Variants in ZNF652 observed in about 807,000 individuals in gnomAD.
ZNF652 encodes the protein zinc finger protein 652.
In ZNF652, 16 loss-of-function variants were observed where a neutral mutation model predicts 45.2. That is an observed-to-expected ratio of 0.35 (90% confidence interval 0.24 to 0.54). The LOEUF (loss-of-function observed/expected upper bound fraction) is 0.54, where lower values mean the gene tolerates loss of function less well. Ranked by LOEUF, ZNF652 falls within the 20% of genes least tolerant of loss-of-function variation. The pLI, the probability that ZNF652 is intolerant of heterozygous loss-of-function variation, is 0.91. For synonymous variants in ZNF652, 250 were observed against 260.6 expected, an observed-to-expected ratio of 0.96 and a Z score of 0.39; for missense variants, 614 against 765.6, an observed-to-expected ratio of 0.80 and a Z score of 2.34.
intron 1 of ZNF652, among the ~76,000 whole-genome samples, chr17:49,349,883 C>T (rs1448382935): frequency 6.6e-6 from 1 of 152,074 alleles, no homozygotes; most frequent in African/African-American, 2.4e-5. Context: ...ATACTAATGT[C>T]AAAGATAACT....
intron 1 of ZNF652, among the ~76,000 whole-genome samples, chr17:49,326,431 T>C (rs773418857): frequency 6.6e-6 from 1 of 152,118 alleles, no homozygotes; most frequent in African/African-American, 2.4e-5. Flanking sequence ...GGTTCTCAAG[T>C]GTCAATGACA....
chr17:49,308,420 A>G (rs915349671), intron 5 of ZNF652, among the ~76,000 whole-genome samples: 9 of 152,122 alleles, frequency 5.9e-5, no homozygotes, highest in African/African-American at 2.2e-4. Context: ...CAAGATATCC[A>G]CCTGCCTTGG....
chr17:49,316,880 G>C lies in ZNF652; in HGVS notation c.846C>G (p.Val282=), dbSNP rs139664132. The C allele has an allele frequency of 4.3e-6, 7 of 1,613,924 alleles. No individual in the cohort carries two copies. In the African/African-American group the frequency reaches 9.3e-5, roughly 22 times the overall value. The change falls in exon 2 of 6, where the codon GTC becomes GTG. Residue 282 remains valine, a synonymous_variant. Coordinates refer to ENST00000430262, the MANE Select transcript of ZNF652 (RefSeq NM_001145365.3). ...GGTGAAGGGACAGCTCACTTTCCAG[G>C]ACAAACTTCTTGCCACATTTATCAC... The part of the protein sequence containing the change: ...QICDKCGKKF[V]LESELSLHQQ...
In ZNF652 at chr17:49,312,702, C is replaced by G; in HGVS notation, c.1044G>C (p.Met348Ile). ...FYTMAHVRKH[M>I]VAHTKDMPFT... is the part of the protein sequence containing the mutation. The stretch of plus-strand genomic sequence containing the variant: ...GAGAAAAGCAGAAAAACTTACCAAC[C>G]ATGTGTTTCCGCACATGAGCCATGG... The change falls in exon 3 of 6, where the codon ATG (methionine) becomes ATC (isoleucine). Residue 348 changes from methionine to isoleucine, a missense_variant. Met to Ile is a conservative substitution (Grantham distance 10). Transcript: ENST00000430262. 6.2e-7 allele frequency: 1 copy of G among 1,612,566 alleles called. No individual in the cohort carries two copies. Among genetic ancestry groups the G allele is most frequent in the East Asian group, 2.2e-5 (1 of 44,866 alleles).
chr17:49,317,832 A>G lies in ZNF652; in HGVS notation c.-107T>C. 8.4e-7 allele frequency: 1 copy of G among 1,194,488 alleles called. No homozygotes were observed. The highest frequency in any genetic ancestry group is 1.1e-6 in the Non-Finnish European group (1 of 886,738). 74.0% of individuals were successfully genotyped at this position (1,194,488 alleles called of 1,614,324 possible). A position where few individuals can be genotyped will look rare whatever the true frequency, so the allele number is the denominator to read the frequency against. ...TTTCTCATCCACAAAGAATCACTCA[A>G]ATGAAAAAAAGATATTCCTGGAAAC... On this transcript the variant is annotated 5_prime_UTR_variant, in exon 2 of 6. Coordinates refer to ENST00000430262, the MANE Select transcript of ZNF652 (RefSeq NM_001145365.3).
downstream of ZNF652, chr17:49,289,126 A>C (rs2069370129): frequency 2.6e-5 from 4 of 152,162 alleles, no homozygotes. Context: ...TTTCTCAAAA[A>C]GGGCAATTTG....
At chr17:49,342,554 AGGGGGGG>A (rs57671663) in intron 1 of ZNF652, among the ~76,000 whole-genome samples, 2 of 102,700 alleles carry the variant, frequency 1.9e-5, no homozygotes, top group African/African-American at 7.0e-5. Flanking sequence ...TAACAGATAA[AGGGGGGG>A]GGGGGGGGGG....
Position 49,317,923 on chromosome 17 carries a change from G to C in ZNF652, c.-198C>G, listed in dbSNP as rs1341660325. Reference sequence around the variant, plus strand: ...TCAAAAAGGTTTGGTATTATGGCAAGAGCAGAGCACTAGTGATTTTTCTTC... The same window carrying C: ...TCAAAAAGGTTTGGTATTATGGCAACAGCAGAGCACTAGTGATTTTTCTTC... On this transcript the variant is annotated 5_prime_UTR_variant, in exon 2 of 6. Transcript: ENST00000430262. 2 of 544,988 alleles carry C rather than the reference G, an allele frequency of 3.7e-6. No individual in the cohort carries two copies. Among genetic ancestry groups the C allele is most frequent in the Non-Finnish European group, 3.0e-6 (1 of 329,256 alleles). 33.8% of individuals were successfully genotyped at this position (544,988 alleles called of 1,614,324 possible). A position where few individuals can be genotyped will look rare whatever the true frequency, so the allele number is the denominator to read the frequency against.
At chr17:49,351,014 T>TATATATATATATACAC (rs2070273379) in intron 1 of ZNF652, among the ~76,000 whole-genome samples, 1 of 29,730 alleles carries the variant, frequency 3.4e-5, no homozygotes, top group African/African-American at 1.1e-4. Context: ...TATATATATA[T>TATATATATATATACAC]ACACACACAC....
intron 1 of ZNF652, among the ~76,000 whole-genome samples, chr17:49,322,225 G>T (rs1339784240): frequency 6.6e-6 from 1 of 152,190 alleles, no homozygotes; most frequent in Non-Finnish European, 1.5e-5. Flanking sequence ...ATAGGGAAAT[G>T]ATAGCAGAAT....
At chr17:49,306,591 A>G (rs183062610) in intron 5 of ZNF652, among the ~76,000 whole-genome samples, 513 of 152,274 alleles carry the variant, frequency 3.4e-3, no homozygotes, top group East Asian at 0.016. Flanking sequence ...CTGGTCGCAA[A>G]TAAGTATTTT....
chr17:49,330,930 A>T (rs1770385255), intron 1 of ZNF652, among the ~76,000 whole-genome samples: 2 of 151,252 alleles, frequency 1.3e-5, no homozygotes, highest in African/African-American at 4.9e-5. Context: ...AAACAAAATT[A>T]GCTGGGCGTG....
At chr17:49,303,187 T>C (rs1018510673) in intron 5 of ZNF652, among the ~76,000 whole-genome samples, 7 of 151,792 alleles carry the variant, frequency 4.6e-5, no homozygotes, top group African/African-American at 1.7e-4. Flanking sequence ...ACAACAAATG[T>C]TACCAGTGAT....
At chr17:49,323,970 C>T (rs2069926977) in intron 1 of ZNF652, among the ~76,000 whole-genome samples, 1 of 152,176 alleles carries the variant, frequency 6.6e-6, no homozygotes, top group Non-Finnish European at 1.5e-5. Context: ...GCTTCACCTT[C>T]GAGTCACCAG....
chr17:49,308,514 T>A (rs984652012), intron 5 of ZNF652, among the ~76,000 whole-genome samples: 1 of 151,966 alleles, frequency 6.6e-6, no homozygotes, highest in African/African-American at 2.4e-5. Context: ...AGATAAAAAT[T>A]TGGGGGACTG....
intron 1 of ZNF652, among the ~76,000 whole-genome samples, chr17:49,323,338 C>T (rs1021160773): frequency 3.3e-5 from 5 of 152,198 alleles, no homozygotes; most frequent in African/African-American, 7.2e-5. Flanking sequence ...ACTCAGTCAC[C>T]TTCAGGCTCC....
chr17:49,358,471 CT>C (rs1435916150), intron 1 of ZNF652, among the ~76,000 whole-genome samples: 1 of 151,924 alleles, frequency 6.6e-6, no homozygotes, highest in Non-Finnish European at 1.5e-5. Context: ...AGACAATCCA[CT>C]TTTTTTTGTT....
Position 49,292,658 on chromosome 17 carries a change from A to G in ZNF652, c.*5755T>C, listed in dbSNP as rs899747256. Among the ~76,000 whole-genome samples the G allele has an allele frequency of 1.3e-5, 2 of 152,216 alleles. No individual in the cohort carries two copies. Among genetic ancestry groups the G allele is most frequent in the Non-Finnish European group, 2.9e-5 (2 of 68,034 alleles). On this transcript the variant is annotated 3_prime_UTR_variant, in exon 6 of 6. Transcript: ENST00000430262. ...TTCAGGAAGACTTCAGTTGAGAAAA[A>G]GGTGTTCAAAAGACATTCAATGACC...
chr17:49,360,499 A>G (rs1264794196), intron 1 of ZNF652, among the ~76,000 whole-genome samples: 1 of 152,192 alleles, frequency 6.6e-6, no homozygotes, highest in Non-Finnish European at 1.5e-5. Context: ...ACAAAATTAT[A>G]CTAAAGGTAT....
Sources: allele counts gnomAD v4.1 joint callset (sites outside exome capture counted in the v4.1 genomes callset), GRCh38; gene constraint gnomAD v4.1.1; transcripts MANE v1.5; gene names NCBI Gene and HGNC (gene_info 2026-07-23, HGNC 2026-07-21).